SLC26A11: variants seen among roughly 807,000 people sequenced by gnomAD.
The protein encoded by SLC26A11 is sodium-independent sulfate anion transporter.
Under a neutral mutation model 62.2 loss-of-function variants are expected in SLC26A11, and 58 were observed. The observed-to-expected ratio is 0.93, with a 90% CI of 0.76 to 1.16. The LOEUF (loss-of-function observed/expected upper bound fraction) is 1.16, where lower values mean the gene tolerates loss of function less well. Among genes scored for constraint, SLC26A11 ranks in the 50% most tolerant of loss-of-function variants. SLC26A11 has a pLI of 0.00. For synonymous variants in SLC26A11, 411 were observed against 368.9 expected (o/e 1.11, Z -1.31); for missense variants, 790 against 794.3 (o/e 0.99, Z 0.06).
chr17:80,244,974 C>CAAA (rs34294039), intron 10 of SLC26A11, among the ~76,000 whole-genome samples: 62 of 67,510 alleles, frequency 9.2e-4, no homozygotes, highest in East Asian at 1.4e-3. Flanking sequence ...GACTCTGTCT[C>CAAA]AAAAAAAAAA....
chr17:80,224,189 A>G (rs57132222), intron 5 of SLC26A11, among the ~76,000 whole-genome samples: 112 of 95,704 alleles, frequency 1.2e-3, no homozygotes, highest in African/African-American at 6.7e-3. Context: ...GAGAGTGTGT[A>G]TGAGTGTGTG....
intron 10 of SLC26A11, among the ~76,000 whole-genome samples, chr17:80,242,631 GCT>G (rs2042894762): frequency 6.6e-6 from 1 of 152,224 alleles, no homozygotes; most frequent in Non-Finnish European, 1.5e-5. Flanking sequence ...GGTCATGCCC[GCT>G]TTCACGGTTT....
intron 7 of SLC26A11, among the ~76,000 whole-genome samples, chr17:80,232,987 C>T (rs1026488131): frequency 1.3e-5 from 2 of 152,116 alleles, no homozygotes; most frequent in African/African-American, 2.4e-5. Context: ...GTGGCTCACA[C>T]CTATAATCCT....
intron 5 of SLC26A11, among the ~76,000 whole-genome samples, chr17:80,224,288 AGTGAGTGTGCGTGTGTGTGT>A (rs2042319035): frequency 1.6e-5 from 1 of 64,158 alleles, no homozygotes; most frequent in African/African-American, 5.2e-5. Flanking sequence ...TGCGTGTGTG[AGTGAGTGTGCGTGTGTGTGT>A]GAGAGAGTGT....
At chr17:80,241,694 C>G in intron 9 of SLC26A11, 77 bp from the exon 10 acceptor site, 1 of 1,419,670 alleles carries the variant, frequency 7.0e-7, no homozygotes, top group Non-Finnish European at 1.0e-6. Flanking sequence ...AATTCATAAT[C>G]TGTGTTACAT....
At position 80,221,740 on chromosome 17, in the gene SLC26A11, C is replaced by T; in HGVS notation, c.180C>T (p.Leu60=). The T allele has an allele frequency of 6.2e-7, 1 of 1,613,626 alleles. No individual in the cohort carries two copies. Among genetic ancestry groups the T allele is most frequent in the Non-Finnish European group, 8.5e-7 (1 of 1,180,034 alleles). Residue 60 remains leucine (L), a synonymous_variant, in exon 3 of 18, where the codon CTC becomes CTT. Transcript: ENST00000361193. ...TCGTCGCCGGCCTCTCAGTTGGCCTCACTGCCATTCCCCAGGCGCTGGCCT... is the reference window on the plus strand; with the variant it reads ...TCGTCGCCGGCCTCTCAGTTGGCCTTACTGCCATTCCCCAGGCGCTGGCCT... ...MDFVAGLSVG[L]TAIPQALAYA... is the part of the protein sequence containing the mutation.
Position 80,248,112 on chromosome 17 carries a change from G to T in SLC26A11, c.1295-18G>T, listed in dbSNP as rs930879163. 4 of 1,596,040 alleles carry T rather than the reference G, an allele frequency of 2.5e-6. No individual in the cohort carries two copies. Among genetic ancestry groups the T allele is most frequent in the Non-Finnish European group, 2.5e-6 (3 of 1,177,128 alleles). The stretch of plus-strand genomic sequence containing the variant: ...TCGGGCAGCTGCCGGGCATTCCTCA[G>T]CTGTGCCCTTCTCCTAGGGCTGGAC... On this transcript the variant is annotated intron_variant, in intron 13 of 17. Coordinates refer to ENST00000361193, the MANE Select transcript of SLC26A11 (RefSeq NM_001166347.2).
intron 7 of SLC26A11, among the ~76,000 whole-genome samples, chr17:80,235,130 G>A (rs1049492384): frequency 6.6e-6 from 1 of 152,022 alleles, no homozygotes; most frequent in South Asian, 2.1e-4. Context: ...GATTACAGGC[G>A]TGAGCTACCG....
In SLC26A11 at chr17:80,246,181, G is replaced by A. The variant is rs757441989; in HGVS notation, c.1125G>A (p.Val375=). 4 of 1,612,864 alleles carry A rather than the reference G, an allele frequency of 2.5e-6. No individual in the cohort carries two copies. Among genetic ancestry groups the A allele is most frequent in the Non-Finnish European group, 3.4e-6 (4 of 1,179,902 alleles). The change falls in exon 12 of 18, where the codon GTG becomes GTA. Residue 375 remains valine, a synonymous_variant. Transcript: ENST00000361193. The surrounding 1 kb of genome is among the most constrained non-coding windows in gnomAD (Gnocchi z 4.4). ...CAGCCGTGAACGCTCAGTCGGGGGTGTGCACCCCGGCGGGGGGCCTGGTGA... is the reference window on the plus strand; with the variant it reads ...CAGCCGTGAACGCTCAGTCGGGGGTATGCACCCCGGCGGGGGGCCTGGTGA... The part of the protein sequence containing the change: ...GRTAVNAQSG[V]CTPAGGLVTG...
rs545121444 is a variant in SLC26A11, at chr17:80,223,031, T to C, written c.427+184T>C. 3 of 732,062 alleles carry C rather than the reference T, an allele frequency of 4.1e-6. No individual in the cohort carries two copies. In the East Asian group the frequency reaches 8.1e-5, roughly 20 times the overall value. The allele number at this position is 732,062 out of a possible 1,614,324, so 45.3% of individuals were successfully genotyped here. On this transcript the variant is annotated intron_variant, in intron 4 of 17. Coordinates refer to ENST00000361193, the MANE Select transcript of SLC26A11 (RefSeq NM_001166347.2). This position sits in a 1 kb window ranked among gnomAD's most constrained non-coding sequence, Gnocchi z 4.6. ...GGCTCTTAGTCTACTCTTTTCTGCT[T>C]AGAGGCCAGGACACTTGGAGAAGTG...
intron 17 of SLC26A11, among the ~76,000 whole-genome samples, 198 bp downstream of exon 17, chr17:80,251,599 CT>C (rs2043158188): frequency 6.6e-6 from 1 of 152,008 alleles, no homozygotes. Context: ...CTCATCAGTA[CT>C]AAAAATACAA....
At chr17:80,237,124 G>A in intron 8 of SLC26A11, 21 bp downstream of exon 8, 2 of 1,600,952 alleles carry the variant, frequency 1.2e-6, no homozygotes, top group African/African-American at 1.3e-5. Context: ...CCGGGAGGCA[G>A]GATGGCGTGG....
At position 80,221,778 on chromosome 17, in the gene SLC26A11, C is replaced by G; in HGVS notation, c.218C>G (p.Ala73Gly). The G allele has an allele frequency of 6.2e-7, 1 of 1,611,436 alleles. No homozygotes were observed. Among genetic ancestry groups the G allele is most frequent in the Non-Finnish European group, 8.5e-7 (1 of 1,179,868 alleles). Residue 73 changes from alanine (A) to glycine (G), a missense_variant, in exon 3 of 18, where the codon GCT becomes GGT. Physicochemically the swap from Ala to Gly is moderately conservative, Grantham distance 60 (BLOSUM62 0). Transcript: ENST00000361193. ...CAGGCGCTGGCCTATGCTGAAGTGG[C>G]TGGACTCCCGCCCCAGGTGAGGCGT... ...IPQALAYAEV[A>G]GLPPQYGLYS...
rs1555629117 is a variant in SLC26A11, at chr17:80,238,811, G to GGTTTT, written c.985+1217_985+1218insGTTTT. 4.2e-4 allele frequency among the ~76,000 whole-genome samples: 52 copies of GGTTTT among 123,256 alleles called. 2 individuals carry two copies. Among genetic ancestry groups the GGTTTT allele is most frequent in the African/African-American group, 1.7e-3 (49 of 29,224 alleles). 80.9% of individuals were successfully genotyped at this position (123,256 alleles called of 152,430 possible). A position where few individuals can be genotyped will look rare whatever the true frequency, so the allele number is the denominator to read the frequency against. Reference sequence around the variant, plus strand: ...TCTAACCCTTACCCCCTTCAAAGGAGTTTTTTTTGTTTTTTGTTTTTTTTT... The same window carrying GGTTTT: ...TCTAACCCTTACCCCCTTCAAAGGAGGTTTTTTTTTTTTGTTTTTTGTTTTTTTTT... On this transcript the variant is annotated intron_variant, in intron 9 of 17. Transcript: ENST00000361193.
chr17:80,236,429 G>A (rs1453784112), intron 7 of SLC26A11, among the ~76,000 whole-genome samples: 1 of 152,208 alleles, frequency 6.6e-6, no homozygotes, highest in Non-Finnish European at 1.5e-5. Context: ...TACACATGGG[G>A]ACCATCGGGG....
intron 7 of SLC26A11, among the ~76,000 whole-genome samples, chr17:80,235,755 A>G (rs2042674754): frequency 6.6e-6 from 1 of 152,238 alleles, no homozygotes; most frequent in African/African-American, 2.4e-5. Flanking sequence ...TTTGTATTCT[A>G]TAAATCTTCT....
intron 7 of SLC26A11, 115 bp from the exon 8 acceptor site, chr17:80,236,813 C>A: frequency 9.1e-7 from 1 of 1,103,398 alleles, no homozygotes; most frequent in Non-Finnish European, 1.3e-6. Flanking sequence ...AGGACTGTGG[C>A]CCGGTGGGGG....
In SLC26A11 at chr17:80,222,517, C is replaced by T; in HGVS notation, c.235-138C>T. On this transcript the variant is annotated intron_variant, in intron 3 of 17. Transcript: ENST00000361193. The surrounding 1 kb of genome is among the most constrained non-coding windows in gnomAD (Gnocchi z 4.7). ...GCCTCCTGATCACTGCAGGTCCACC[C>T]ACAGGGCAGGGCGGTGCACCTTTAA... 1.1e-6 allele frequency: 1 copy of T among 875,320 alleles called. No individual in the cohort carries two copies. 54.2% of individuals were successfully genotyped at this position (875,320 alleles called of 1,614,324 possible). A position where few individuals can be genotyped will look rare whatever the true frequency, so the allele number is the denominator to read the frequency against.
intron 9 of SLC26A11, among the ~76,000 whole-genome samples, chr17:80,239,077 AT>A (rs111257231): frequency 0.02 from 2,463 of 122,280 alleles, 33 homozygotes; most frequent in African/African-American, 0.057. Context: ...CCTCCCAGTA[AT>A]TTTTTTTTTT....
Sources: allele counts gnomAD v4.1 joint callset (sites outside exome capture counted in the v4.1 genomes callset), GRCh38; gene constraint gnomAD v4.1.1; non-coding constraint Gnocchi (gnomAD v3.1); transcripts MANE v1.5; gene names NCBI Gene and HGNC (gene_info 2026-07-23, HGNC 2026-07-21).